Variants in PPP2R5D observed in about 807,000 individuals in gnomAD.
PPP2R5D encodes serine/threonine-protein phosphatase 2A 56 kDa regulatory subunit delta isoform.
A neutral mutation model predicts 79.1 loss-of-function variants in PPP2R5D; 12 were observed. The observed-to-expected ratio is 0.15, with a 90% CI of 0.10 to 0.25. The LOEUF (loss-of-function observed/expected upper bound fraction) is 0.25, where lower values mean the gene tolerates loss of function less well. PPP2R5D is among the 10% of genes least tolerant of loss of function. PPP2R5D has a pLI of 1.00. For missense variants in PPP2R5D, 419 were observed against 760.2 expected, an observed-to-expected ratio of 0.55 and a Z score of 5.28; for synonymous variants, 277 against 286.6, an observed-to-expected ratio of 0.97 and a Z score of 0.34.
chr6:43,008,114 T>G lies in PPP2R5D; in HGVS notation c.857+49T>G. On this transcript the variant is annotated intron_variant, in intron 7 of 15. Coordinates refer to ENST00000485511, the MANE Select transcript of PPP2R5D (RefSeq NM_006245.4). This position sits in a 1 kb window ranked among gnomAD's most constrained non-coding sequence, Gnocchi z 4.2. The stretch of plus-strand genomic sequence containing the variant: ...GGAGCAAAACCTTCTGCTACTGAGG[T>G]GGGGTGGGAGCAGGGAGGTGGGGGG... The G allele has an allele frequency of 6.2e-7, 1 of 1,613,042 alleles. No individual in the cohort carries two copies. The highest frequency in any genetic ancestry group is 1.1e-5 in the South Asian group (1 of 91,054).
rs1762144791 is a variant in PPP2R5D, at chr6:43,007,398, G to A, written c.634-16G>A. On this transcript the variant is annotated splice_polypyrimidine_tract_variant and intron_variant, in intron 5 of 15. Coordinates refer to ENST00000485511, the MANE Select transcript of PPP2R5D (RefSeq NM_006245.4). The surrounding 1 kb of genome is among the most constrained non-coding windows in gnomAD (Gnocchi z 4.5). ...CTTGGGAACATCCCCTCAGTGGCGT[G>A]CCTTTTCCCCTATAGCTCGTGTATG... 6.2e-7 allele frequency: 1 copy of A among 1,608,968 alleles called. No homozygotes were observed. Among genetic ancestry groups the A allele is most frequent in the Non-Finnish European group, 8.5e-7 (1 of 1,175,254 alleles).
Position 43,006,924 on chromosome 6 carries a change from G to T in PPP2R5D, c.336G>T (p.Gln112His). The change falls in exon 4 of 16, where the codon CAG becomes CAT. Residue 112 changes from glutamine (Q) to histidine (H), a missense_variant. Transcript: ENST00000485511. The surrounding 1 kb of genome is among the most constrained non-coding windows in gnomAD (Gnocchi z 4.7). ...KLPALKDSPT[Q>H]EREELFIQKL... The stretch of plus-strand genomic sequence containing the variant: ...GGGCCCCCACAGATTCGCCAACCCA[G>T]GAGCGGGAGGAGCTGTTTATCCAGA... 1 of 1,613,996 alleles carries T rather than the reference G, an allele frequency of 6.2e-7. No homozygotes were observed. Among genetic ancestry groups the T allele is most frequent in the South Asian group, 1.1e-5 (1 of 91,078 alleles).
At position 43,010,960 on chromosome 6, in the gene PPP2R5D, A is replaced by T. The variant is rs1227119131; in HGVS notation, c.1634A>T (p.Gln545Leu). The change falls in exon 15 of 16, where the codon CAG (glutamine) becomes CTG (leucine). Residue 545 changes from glutamine to leucine, a missense_variant. Around this residue, in one of 5 missense-constraint regions of PPP2R5D, gnomAD observed 84 missense variants for 105.4 expected, o/e 0.80. Coordinates refer to ENST00000485511, the MANE Select transcript of PPP2R5D (RefSeq NM_006245.4). This position sits in a 1 kb window ranked among gnomAD's most constrained non-coding sequence, Gnocchi z 4.7. Reference protein sequence around the residue: ...ETETPTAEDIQLLKRTVETEA... With the variant: ...ETETPTAEDILLLKRTVETEA... ...GAGACCCCCACAGCTGAGGACATCC[A>T]GCTTCTGAAGAGGACTGTGGAGACT... 2.5e-6 allele frequency: 4 copies of T among 1,614,174 alleles called. No homozygotes were observed. Among genetic ancestry groups the T allele is most frequent in the Non-Finnish European group, 3.4e-6 (4 of 1,180,026 alleles).
chr6:42,984,848 C>T (rs1338084474), intron 1 of PPP2R5D, 144 bp downstream of exon 1: 44 of 1,304,204 alleles, frequency 3.4e-5, no homozygotes, highest in Non-Finnish European at 4.3e-5. Context: ...TCCGCCCCCG[C>T]GGCTGGCAGC....
chr6:42,984,692 G>T lies in PPP2R5D; in HGVS notation c.15G>T (p.Leu5=), dbSNP rs757720152. ...GACGGGCCGAGATGCCCTATAAACTGAAAAAGGAGAAGGTGAGCGTGGCCC... is the reference window on the plus strand; with the variant it reads ...GACGGGCCGAGATGCCCTATAAACTTAAAAAGGAGAAGGTGAGCGTGGCCC... MPYK[L]KKEKEPPKVA... The change falls in exon 1 of 16, where the codon CTG becomes CTT. Residue 5 remains leucine (L), a synonymous_variant. Transcript: ENST00000485511. 1.2e-6 allele frequency: 2 copies of T among 1,611,914 alleles called. No individual in the cohort carries two copies. The highest frequency in any genetic ancestry group is 2.2e-5 in the South Asian group (2 of 90,692).
chr6:43,010,392 T>A lies in PPP2R5D; in HGVS notation c.1380-76T>A. On this transcript the variant is annotated intron_variant, in intron 12 of 15. Transcript: ENST00000485511. This position sits in a 1 kb window ranked among gnomAD's most constrained non-coding sequence, Gnocchi z 4.7. ...AAAGCTCTTAGCAGAGATACCCCTGTGAGAGAACAAATTGGGTTCCTCACG... is the reference window on the plus strand; with the variant it reads ...AAAGCTCTTAGCAGAGATACCCCTGAGAGAGAACAAATTGGGTTCCTCACG... 8.5e-7 allele frequency: 1 copy of A among 1,182,948 alleles called. No homozygotes were observed. The highest frequency in any genetic ancestry group is 1.3e-6 in the Non-Finnish European group (1 of 792,152). The allele number at this position is 1,182,948 out of a possible 1,614,324, so 73.3% of individuals were successfully genotyped here. A position where few individuals can be genotyped will look rare whatever the true frequency, so the allele number is the denominator to read the frequency against.
At chr6:42,991,510 G>A (rs1402926981) in intron 2 of PPP2R5D, among the ~76,000 whole-genome samples, 1 of 152,174 alleles carries the variant, frequency 6.6e-6, no homozygotes, top group African/African-American at 2.4e-5. Flanking sequence ...AGCGCTGGTA[G>A]CACCTAACCA....
Position 43,006,611 on chromosome 6 carries a change from G to A in PPP2R5D, c.254G>A (p.Arg85Gln), listed in dbSNP as rs1192439638. The change falls in exon 3 of 16, where the codon CGA (arginine) becomes CAA (glutamine). Residue 85 changes from arginine to glutamine, a missense_variant. Arg to Gln is a conservative substitution (Grantham distance 43). Transcript: ENST00000485511. The surrounding 1 kb of genome is among the most constrained non-coding windows in gnomAD (Gnocchi z 4.7). ...SGGPQIVKKE[R>Q]RQSSSRFNLS... is the part of the protein sequence containing the mutation. ...GGGCCCCAGATTGTCAAGAAGGAGC[G>A]ACGGCAAAGCTCCTCCCGCTTCAAC... The A allele has an allele frequency of 1.2e-6, 2 of 1,614,020 alleles. No homozygotes were observed. The highest frequency in any genetic ancestry group is 1.7e-6 in the Non-Finnish European group (2 of 1,180,056).
Position 43,006,861 on chromosome 6 carries a change from A to G in PPP2R5D, c.323-50A>G. 1 of 1,604,214 alleles carries G rather than the reference A, an allele frequency of 6.2e-7. No homozygotes were observed. Among genetic ancestry groups the G allele is most frequent in the Non-Finnish European group, 8.5e-7 (1 of 1,172,586 alleles). ...GAAAGCCCTTGAAGGCAAGCAGGGCATCGCAGTGAAGGACTACAGAGGAGA... is the reference window on the plus strand; with the variant it reads ...GAAAGCCCTTGAAGGCAAGCAGGGCGTCGCAGTGAAGGACTACAGAGGAGA... On this transcript the variant is annotated intron_variant, in intron 3 of 15. Coordinates refer to ENST00000485511, the MANE Select transcript of PPP2R5D (RefSeq NM_006245.4). The surrounding 1 kb of genome is among the most constrained non-coding windows in gnomAD (Gnocchi z 4.7).
intron 1 of PPP2R5D, among the ~76,000 whole-genome samples, chr6:42,988,878 C>T (rs1027268958): frequency 6.6e-6 from 1 of 152,214 alleles, no homozygotes; most frequent in African/African-American, 2.4e-5. Context: ...TGTCCCTGTG[C>T]AGTTGCTTTT....
intron 2 of PPP2R5D, among the ~76,000 whole-genome samples, chr6:42,996,482 A>T (rs983361070): frequency 6.6e-6 from 1 of 151,936 alleles, no homozygotes; most frequent in Non-Finnish European, 1.5e-5. Context: ...AAAAAAATAA[A>T]AAAAAAATAA....
Position 43,009,166 on chromosome 6 carries a change from G to C in PPP2R5D, c.1190G>C (p.Ser397Thr), listed in dbSNP as rs1316815266. ...ILDVIEPSEF[S>T]KVMEPLFRQL... ...GACGTCATTGAACCTTCTGAGTTCA[G>C]CAAAGTGATGGAACCCCTCTTCCGC... The change falls in exon 11 of 16, where the codon AGC becomes ACC. Residue 397 changes from serine to threonine, a missense_variant. By Grantham distance (58) the Ser-to-Thr change is moderately conservative (BLOSUM62 1). This residue lies in a region of PPP2R5D where 196 missense variants were observed against 424.5 expected (regional missense o/e 0.46). Transcript: ENST00000485511. This position sits in a 1 kb window ranked among gnomAD's most constrained non-coding sequence, Gnocchi z 5.6. 6 of 1,614,010 alleles carry C rather than the reference G, an allele frequency of 3.7e-6. No homozygotes were observed. The highest frequency in any genetic ancestry group is 5.1e-6 in the Non-Finnish European group (6 of 1,180,026).
intron 2 of PPP2R5D, 75 bp downstream of exon 2, chr6:42,989,763 G>A (rs1414337063): frequency 1.4e-6 from 2 of 1,408,218 alleles, no homozygotes; most frequent in Non-Finnish European, 2.0e-6. Context: ...TTGGGTAGGG[G>A]ATCCCAGGGG....
intron 15 of PPP2R5D, 57 bp downstream of exon 15, chr6:43,011,054 G>A (rs1762328786): frequency 6.2e-7 from 1 of 1,609,286 alleles, no homozygotes; most frequent in Admixed American, 1.7e-5. Flanking sequence ...AGGGAGAGGA[G>A]ACAGAAACAG....
At position 43,011,180 on chromosome 6, in the gene PPP2R5D, T is replaced by C; in HGVS notation, c.1703T>C (p.Leu568Pro). 1 of 1,614,132 alleles carries C rather than the reference T, an allele frequency of 6.2e-7. No homozygotes were observed. Among genetic ancestry groups the C allele is most frequent in the African/African-American group, 1.3e-5 (1 of 75,022 alleles). ...AAAGACATCAAGAAGGAGAAAGTGCTGCTGCGGAGGAAGTCGGAGCTGCCC... is the reference window on the plus strand; with the variant it reads ...AAAGACATCAAGAAGGAGAAAGTGCCGCTGCGGAGGAAGTCGGAGCTGCCC... The part of the protein sequence containing the change: ...MLKDIKKEKV[L>P]LRRKSELPQD... Residue 568 changes from leucine to proline, a missense_variant, in exon 16 of 16, where the codon CTG (leucine) becomes CCG (proline). Leu to Pro is a moderately conservative substitution (Grantham distance 98). Around this residue, in one of 5 missense-constraint regions of PPP2R5D, gnomAD observed 84 missense variants for 105.4 expected, o/e 0.80. Coordinates refer to ENST00000485511, the MANE Select transcript of PPP2R5D (RefSeq NM_006245.4).
rs1446538314 is a variant in PPP2R5D at position 43,011,497 on chromosome 6, C to G, written c.*211C>G. 1.6e-6 allele frequency: 1 copy of G among 639,576 alleles called. No homozygotes were observed. Among genetic ancestry groups the G allele is most frequent in the Non-Finnish European group, 2.7e-6 (1 of 377,138 alleles). The allele number at this position is 639,576 out of a possible 1,614,324, so 39.6% of individuals were successfully genotyped here. On this transcript the variant is annotated 3_prime_UTR_variant, in exon 16 of 16. Coordinates refer to ENST00000485511, the MANE Select transcript of PPP2R5D (RefSeq NM_006245.4). ...TGTTCATGCCTCCCTGTGGCTAGTA[C>G]AGGCTGAGCACTAAGATGCTTAGTG...
intron 1 of PPP2R5D, among the ~76,000 whole-genome samples, chr6:42,989,042 C>G (rs1266575849): frequency 6.6e-6 from 1 of 152,188 alleles, no homozygotes; most frequent in Non-Finnish European, 1.5e-5. Flanking sequence ...CTGAGGTGCT[C>G]TTGGCATTTT....
chr6:43,005,690 C>T (rs946873485), intron 2 of PPP2R5D, among the ~76,000 whole-genome samples: 26 of 151,660 alleles, frequency 1.7e-4, no homozygotes, highest in Non-Finnish European at 3.4e-4. Flanking sequence ...GGCATGATCT[C>T]GGCTCACTGC....
chr6:43,011,457 C>G lies in PPP2R5D; in HGVS notation c.*171C>G. 2 of 878,882 alleles carry G rather than the reference C, an allele frequency of 2.3e-6. No homozygotes were observed. The highest frequency in any genetic ancestry group is 3.4e-6 in the Non-Finnish European group (2 of 587,768). 54.4% of individuals were successfully genotyped at this position (878,882 alleles called of 1,614,324 possible). On this transcript the variant is annotated 3_prime_UTR_variant, in exon 16 of 16. Transcript: ENST00000485511. ...CAGGGACACCCACAGAATGGTCCCT[C>G]TTCTCCCCAAAAGGTGTTCATGCCT... is the stretch of plus-strand genomic sequence containing the variant.
Sources: gnomAD v4.1 joint callset for allele counts (sites outside exome capture counted in the v4.1 genomes callset) on GRCh38, gnomAD v4.1.1 for gene constraint, gnomAD v4.1.1 regional missense constraint, Gnocchi (gnomAD v3.1) non-coding constraint, MANE v1.5 for transcripts, NCBI Gene and HGNC (gene_info 2026-07-23, HGNC 2026-07-21) for gene names.